The following ARHGAP42 variants were observed in gnomAD, a reference collection of about 807,000 sequenced individuals.
The protein encoded by ARHGAP42 is rho GTPase-activating protein 42.
ARHGAP42 carries 63 observed loss-of-function variants against 125.0 expected under a neutral mutation model. The observed-to-expected ratio is 0.50, with a 90% CI of 0.41 to 0.62. ARHGAP42 has a LOEUF of 0.62. Ranked by LOEUF, ARHGAP42 falls within the 20% of genes least tolerant of loss-of-function variation. ARHGAP42 has a pLI of 0.00. For synonymous variants in ARHGAP42, 339 were observed against 351.0 expected (o/e 0.97, Z 0.38); for missense variants, 766 against 1,024.2 (o/e 0.75, Z 3.44).
intron 1 of ARHGAP42, among the ~76,000 whole-genome samples, chr11:100,762,880 C>T (rs11224434): frequency 6.6e-6 from 1 of 150,840 alleles, no homozygotes; most frequent in East Asian, 1.9e-4. Flanking sequence ...GTACATTACT[C>T]TGCTGTGTAA....
chr11:100,699,498 ATATATATATTTTTTTTTTTTTTT>A (rs1352890927), intron 1 of ARHGAP42, among the ~76,000 whole-genome samples: 3 of 36,228 alleles, frequency 8.3e-5, no homozygotes, highest in East Asian at 7.9e-4. Context: ...ATATATATAT[ATATATATATTTTTTTTTTTTTTT>A]TTTTTTTTTT....
At chr11:100,765,229 T>G (rs1303693246) in intron 1 of ARHGAP42, among the ~76,000 whole-genome samples, 1 of 152,212 alleles carries the variant, frequency 6.6e-6, no homozygotes, top group Non-Finnish European at 1.5e-5. Context: ...TTAGCCTTGC[T>G]GATGCATTGT....
chr11:100,784,470 T>G (rs553843201), intron 2 of ARHGAP42, among the ~76,000 whole-genome samples: 1 of 152,228 alleles, frequency 6.6e-6, no homozygotes, highest in East Asian at 1.9e-4. Context: ...TATATGGGTA[T>G]GTAAGAAGGG....
chr11:100,951,515 A>T (rs2135285687), intron 12 of ARHGAP42, among the ~76,000 whole-genome samples: 1 of 152,312 alleles, frequency 6.6e-6, no homozygotes, highest in South Asian at 2.1e-4. Context: ...AGTCCTTTCA[A>T]ATTCAAATTA....
intron 10 of ARHGAP42, among the ~76,000 whole-genome samples, chr11:100,946,429 T>C (rs1868019648): frequency 6.6e-6 from 1 of 152,122 alleles, no homozygotes; most frequent in African/African-American, 2.4e-5. Flanking sequence ...ACCTAGTTTT[T>C]AGGCTATCTT....
intron 9 of ARHGAP42, 53 bp downstream of exon 9, chr11:100,941,937 A>G (rs1867897270): frequency 7.8e-7 from 1 of 1,280,466 alleles, no homozygotes. Context: ...TATTTAAGTA[A>G]TGGAATTAAA....
chr11:100,735,023 C>CAAA (rs1555111850), intron 1 of ARHGAP42, among the ~76,000 whole-genome samples: 2,030 of 152,188 alleles, frequency 0.013, 59 homozygotes, highest in African/African-American at 0.046. Flanking sequence ...ACAACAACAA[C>CAAA]AACAAAACCC....
At chr11:100,958,528 C>T (rs1857867734) in intron 12 of ARHGAP42, among the ~76,000 whole-genome samples, 1 of 151,920 alleles carries the variant, frequency 6.6e-6, no homozygotes, top group African/African-American at 2.4e-5. Flanking sequence ...CATACACACA[C>T]ACACATATAT....
At chr11:100,687,874 A>C in intron 1 of ARHGAP42, 42 bp downstream of exon 1, 1 of 1,503,264 alleles carries the variant, frequency 6.7e-7, no homozygotes, top group South Asian at 1.3e-5. Flanking sequence ...GCATCTGGAG[A>C]GTCCCCGCGG....
chr11:100,943,296 G>A (rs1257886854), intron 9 of ARHGAP42, among the ~76,000 whole-genome samples: 3 of 151,890 alleles, frequency 2.0e-5, no homozygotes, highest in Non-Finnish European at 4.4e-5. Context: ...ACCTGAGCTA[G>A]TTATCATTTA....
chr11:100,903,706 C>CAAAAAAAAAA (rs749877720), intron 4 of ARHGAP42, among the ~76,000 whole-genome samples: 331 of 32,184 alleles, frequency 0.01, 10 homozygotes, highest in Middle Eastern at 0.029. Context: ...ACATGTCCCT[C>CAAAAAAAAAA]AAAATATATA....
At chr11:100,824,423 T>C (rs1257323973) in intron 3 of ARHGAP42, among the ~76,000 whole-genome samples, 1 of 151,900 alleles carries the variant, frequency 6.6e-6, no homozygotes, top group Non-Finnish European at 1.5e-5. Flanking sequence ...AGAGAGAGAG[T>C]TGAGAAATGA....
chr11:100,956,062 T>C (rs1450583346), intron 12 of ARHGAP42, among the ~76,000 whole-genome samples: 1 of 149,940 alleles, frequency 6.7e-6, no homozygotes, highest in African/African-American at 2.5e-5. Flanking sequence ...TGCTGGGTGC[T>C]CAAGTGAAGG....
chr11:100,784,819 G>A (rs574476960), intron 2 of ARHGAP42, among the ~76,000 whole-genome samples: 2 of 152,290 alleles, frequency 1.3e-5, no homozygotes, highest in Non-Finnish European at 2.9e-5. Flanking sequence ...AGTGCTACAA[G>A]TCATTAGTTC....
intron 10 of ARHGAP42, among the ~76,000 whole-genome samples, chr11:100,948,165 A>G (rs1464678403): frequency 6.6e-6 from 1 of 152,082 alleles, no homozygotes; most frequent in African/African-American, 2.4e-5. Flanking sequence ...TGATCATTTC[A>G]AGGGAAATAG....
intron 8 of ARHGAP42, among the ~76,000 whole-genome samples, chr11:100,937,850 T>C (rs1015273001): frequency 2.0e-5 from 3 of 152,162 alleles, no homozygotes; most frequent in Non-Finnish European, 4.4e-5. Flanking sequence ...GAACCATGGT[T>C]TGCCTACCTA....
chr11:100,786,355 T>A (rs548538581), intron 2 of ARHGAP42, among the ~76,000 whole-genome samples: 8 of 152,280 alleles, frequency 5.3e-5, no homozygotes, highest in Admixed American at 4.6e-4. Context: ...TTCTGAAGAA[T>A]TCAGATAAAA....
intron 11 of ARHGAP42, 122 bp from the exon 12 acceptor site, chr11:100,949,795 C>A: frequency 1.9e-6 from 1 of 515,520 alleles, no homozygotes; most frequent in South Asian, 4.5e-5. Context: ...GTGGACACAG[C>A]AGTTGTAGGA....
At chr11:100,779,180 C>T (rs2135004683) in intron 2 of ARHGAP42, among the ~76,000 whole-genome samples, 1 of 152,028 alleles carries the variant, frequency 6.6e-6, no homozygotes, top group East Asian at 1.9e-4. Context: ...GGTGCAGTGG[C>T]TCACGCCTGT....
Sources: gnomAD v4.1 joint callset for allele counts (sites outside exome capture counted in the v4.1 genomes callset) on GRCh38, gnomAD v4.1.1 for gene constraint, MANE v1.5 for transcripts, NCBI Gene and HGNC (gene_info 2026-07-23, HGNC 2026-07-21) for gene names.